Variants in CELA2B observed in about 807,000 individuals in gnomAD.
CELA2B encodes the protein chymotrypsin-like elastase family member 2B.
In CELA2B, 27 loss-of-function variants were observed where a neutral mutation model predicts 36.5. That is an observed-to-expected ratio of 0.74 (90% confidence interval 0.55 to 1.02). CELA2B has a LOEUF of 1.02. Ranked by LOEUF, CELA2B falls within the 50% of genes least tolerant of loss-of-function variation. The probability of loss-of-function intolerance (pLI) is 0.00; values close to 1 mark genes in which losing one functional copy is unlikely to be tolerated. For synonymous variants in CELA2B, 143 were observed against 148.5 expected (o/e 0.96, Z 0.27); for missense variants, 340 against 347.8 (o/e 0.98, Z 0.18).
rs928863614 is a variant in CELA2B at position 15,483,308 on chromosome 1, C to T, written c.401C>T (p.Thr134Ile). The T allele has an allele frequency of 1.2e-6, 2 of 1,614,026 alleles. No homozygotes were observed. Among genetic ancestry groups the T allele is most frequent in the African/African-American group, 1.3e-5 (1 of 75,058 alleles). The change falls in exon 5 of 8, where the codon ACC becomes ATC. Residue 134 changes from threonine to isoleucine, a missense_variant. By Grantham distance (89) the Thr-to-Ile change is moderately conservative (BLOSUM62 -1). Coordinates refer to ENST00000375910, the MANE Select transcript of CELA2B (RefSeq NM_015849.3). ...LLKLANPVSL[T>I]DKIQLACLPP... ...AAACTGGCTAACCCCGTCTCCCTCA[C>T]CGACAAGATCCAGCTGGCCTGCCTC...
intron 2 of CELA2B, among the ~76,000 whole-genome samples, chr1:15,480,397 G>A (rs1251663518): frequency 6.6e-6 from 1 of 152,248 alleles, no homozygotes; most frequent in South Asian, 2.1e-4. Flanking sequence ...GTATTTTTCT[G>A]TAGAGACGGT....
chr1:15,487,549 T>C (rs959735132), intron 7 of CELA2B, 112 bp downstream of exon 7: 2 of 1,419,906 alleles, frequency 1.4e-6, no homozygotes, highest in Non-Finnish European at 1.9e-6. Flanking sequence ...GAGAGCTAGA[T>C]GGGAACCCCT....
At chr1:15,489,943 A>G (rs1433052897) in intron 7 of CELA2B, among the ~76,000 whole-genome samples, 1 of 151,844 alleles carries the variant, frequency 6.6e-6, no homozygotes, top group Non-Finnish European at 1.5e-5. Flanking sequence ...GCTTGATCTC[A>G]GCTCACTGCA....
At chr1:15,482,114 T>C in intron 3 of CELA2B, 151 bp from the exon 4 acceptor site, 1 of 815,894 alleles carries the variant, frequency 1.2e-6, no homozygotes, top group Non-Finnish European at 1.9e-6. Context: ...CTTTAGGCCC[T>C]ATGATAACTA....
chr1:15,482,175 T>C lies in CELA2B; in HGVS notation c.228-90T>C, dbSNP rs944746917. Reference sequence around the variant, plus strand: ...TCCCCAAGTGCCAACTAGTGGCTCATGAAGCAGCCAGTTACTTGGGTCTAT... The same window carrying C: ...TCCCCAAGTGCCAACTAGTGGCTCACGAAGCAGCCAGTTACTTGGGTCTAT... On this transcript the variant is annotated intron_variant, in intron 3 of 7. Transcript: ENST00000375910. 23 of 1,519,414 alleles carry C rather than the reference T, an allele frequency of 1.5e-5. No individual in the cohort carries two copies. The African/African-American group carries it at 2.6e-4, about 17-fold the overall frequency. The allele number at this position is 1,519,414 out of a possible 1,614,324, so 94.1% of individuals were successfully genotyped here.
intron 3 of CELA2B, among the ~76,000 whole-genome samples, 177 bp from the exon 4 acceptor site, chr1:15,482,088 G>A (rs1430860470): frequency 6.6e-6 from 1 of 152,220 alleles, no homozygotes; most frequent in East Asian, 1.9e-4. Flanking sequence ...TATGATCATA[G>A]TTCTTACATT....
rs192369885 is a variant in CELA2B, at chr1:15,491,229, G to C, written c.793-66G>C. On this transcript the variant is annotated intron_variant, in intron 7 of 7. Transcript: ENST00000375910. ...GCTTAGCCCAGGAGGACAGAGACAG[G>C]AAACTGCCACGCACAGCTCTGTGGT... The C allele has an allele frequency of 3.7e-6, 6 of 1,606,462 alleles. No individual in the cohort carries two copies. The Admixed American group carries it at 8.3e-5, about 22-fold the overall frequency.
rs751666070 is a variant in CELA2B, at chr1:15,487,370, G to C, written c.725G>C (p.Gly242Ala). 6.2e-7 allele frequency: 1 copy of C among 1,614,238 alleles called. No homozygotes were observed. The highest frequency in any genetic ancestry group is 8.5e-7 in the Non-Finnish European group (1 of 1,180,046). Reference protein sequence around the residue: ...HGIGSLTSVLGCNYYYKPSIF... With the variant: ...HGIGSLTSVLACNYYYKPSIF... ...ATCGGCAGCCTCACGTCGGTCCTTG[G>C]TTGCAACTACTACTACAAGCCCTCC... is the stretch of plus-strand genomic sequence containing the variant. Residue 242 changes from glycine to alanine, a missense_variant, in exon 7 of 8, where the codon GGT becomes GCT. Coordinates refer to ENST00000375910, the MANE Select transcript of CELA2B (RefSeq NM_015849.3).
chr1:15,481,258 G>T (rs1708739262), intron 3 of CELA2B, 63 bp downstream of exon 3: 2 of 1,591,600 alleles, frequency 1.3e-6, no homozygotes, highest in Non-Finnish European at 1.7e-6. Context: ...TGAGCTGGGG[G>T]CTCAAATGGC....
At position 15,485,995 on chromosome 1, in the gene CELA2B, G is replaced by A. The variant is rs574028572; in HGVS notation, c.588G>A (p.Val196=). 1 of 1,614,218 alleles carries A rather than the reference G, an allele frequency of 6.2e-7. No individual in the cohort carries two copies. Among genetic ancestry groups the A allele is most frequent in the South Asian group, 1.1e-5 (1 of 91,082 alleles). ...GCTCTGGCTGGTGGGGCAGCACCGT[G>A]AAGACGAATATGATCTGTGCTGGGG... ...CSSSGWWGST[V]KTNMICAGGD... The change falls in exon 6 of 8, where the codon GTG becomes GTA. Residue 196 remains valine (V), a synonymous_variant. Coordinates refer to ENST00000375910, the MANE Select transcript of CELA2B (RefSeq NM_015849.3).
At chr1:15,481,643 A>G in intron 3 of CELA2B, 1 of 473,852 alleles carries the variant, frequency 2.1e-6, no homozygotes, top group Non-Finnish European at 4.4e-6. Context: ...TCTGAATTGC[A>G]GACAAATTAT....
chr1:15,482,416 T>C (rs756168301), intron 4 of CELA2B, 23 bp downstream of exon 4: 6 of 1,613,686 alleles, frequency 3.7e-6, no homozygotes, highest in Non-Finnish European at 5.1e-6. Context: ...CTGGGTGCAC[T>C]TGGGGGTGAG....
At chr1:15,490,001 C>G (rs1340774463) in intron 7 of CELA2B, among the ~76,000 whole-genome samples, 2 of 152,032 alleles carry the variant, frequency 1.3e-5, no homozygotes, top group Non-Finnish European at 2.9e-5. Context: ...AGCCTCCTAA[C>G]TAGCTGGGAT....
intron 6 of CELA2B, among the ~76,000 whole-genome samples, chr1:15,486,823 G>C (rs1276544548): frequency 6.7e-6 from 1 of 149,742 alleles, no homozygotes; most frequent in Non-Finnish European, 1.5e-5. Flanking sequence ...GATGGAGTAG[G>C]AAGGAGATCC....
chr1:15,481,477 CAG>C (rs1244075696), intron 3 of CELA2B, among the ~76,000 whole-genome samples: 1 of 152,182 alleles, frequency 6.6e-6, no homozygotes, highest in Non-Finnish European at 1.5e-5. Context: ...CATGTGGCCT[CAG>C]TGTCTGGAAT....
chr1:15,487,502 T>C (rs1178473486), intron 7 of CELA2B, 65 bp downstream of exon 7: 90 of 1,584,812 alleles, frequency 5.7e-5, no homozygotes, highest in Non-Finnish European at 1.7e-5. Flanking sequence ...GGGAGTGCCA[T>C]GCCCACCTGG....
rs762271458 is a variant in CELA2B, at chr1:15,483,462, G to A, written c.493+62G>A. 312 of 1,609,724 alleles carry A rather than the reference G, an allele frequency of 1.9e-4. 2 individuals carry two copies. The highest frequency in any genetic ancestry group is 2.5e-4 in the Non-Finnish European group (293 of 1,177,316). ...AAGGGAGGTGATGTCACCCCTGTCC[G>A]GCCAGGGCCTCTCACCTCACATGTT... On this transcript the variant is annotated intron_variant, in intron 5 of 7. Coordinates refer to ENST00000375910, the MANE Select transcript of CELA2B (RefSeq NM_015849.3).
intron 7 of CELA2B, among the ~76,000 whole-genome samples, chr1:15,490,097 C>G (rs1708859406): frequency 6.6e-6 from 1 of 152,180 alleles, no homozygotes; most frequent in African/African-American, 2.4e-5. Flanking sequence ...TGGTCTCAAA[C>G]TCCTGACCTC....
chr1:15,482,055 AG>A (rs1708747788), intron 3 of CELA2B, among the ~76,000 whole-genome samples: 1 of 152,220 alleles, frequency 6.6e-6, no homozygotes, highest in Non-Finnish European at 1.5e-5. Context: ...TGTAGTTTAT[AG>A]TTAGTATAGT....
Sources: gnomAD v4.1 joint callset for allele counts (sites outside exome capture counted in the v4.1 genomes callset) on GRCh38, gnomAD v4.1.1 for gene constraint, MANE v1.5 for transcripts, NCBI Gene and HGNC (gene_info 2026-07-23, HGNC 2026-07-21) for gene names.